Variants in PRKX observed in about 807,000 individuals in gnomAD.
PRKX encodes the protein protein kinase cAMP-dependent X-linked catalytic subunit, also known as cAMP-dependent protein kinase catalytic subunit PRKX.
In PRKX, 12 loss-of-function variants were observed where a neutral mutation model predicts 22.0. The observed-to-expected ratio is 0.54, with a 90% CI of 0.35 to 0.88. PRKX has a LOEUF of 0.88. PRKX is among the 40% of genes least tolerant of loss of function. The pLI, the probability that PRKX is intolerant of heterozygous loss-of-function variation, is 0.01. For synonymous variants in PRKX, 134 were observed against 137.7 expected (o/e 0.97, Z 0.19); for missense variants, 217 against 308.0 (o/e 0.70, Z 2.21).
chrX:3,689,566 G>A (rs1044782160), intron 1 of PRKX, among the ~76,000 whole-genome samples: 3 of 111,779 alleles, frequency 2.7e-5, no homozygotes, highest in African/African-American at 9.8e-5. Flanking sequence ...TGCAGTCCAA[G>A]TTACCTGGGA....
chrX:3,638,444 C>T (rs1905876746), intron 4 of PRKX, among the ~76,000 whole-genome samples: 1 of 111,769 alleles, frequency 8.9e-6, no homozygotes, highest in Non-Finnish European at 1.9e-5. Context: ...CAGGATACAA[C>T]GATCCTCAGG....
intron 5 of PRKX, 31 bp downstream of exon 5, chrX:3,626,388 C>G (rs1213123003): frequency 9.1e-7 from 1 of 1,094,430 alleles, no homozygotes; most frequent in Non-Finnish European, 1.3e-6. Flanking sequence ...AAAATAAACA[C>G]ACCTCATGAT....
intron 8 of PRKX, chrX:3,610,859 C>A (rs1312135190): frequency 1.8e-5 from 2 of 111,497 alleles, no homozygotes; most frequent in African/African-American, 6.5e-5. Flanking sequence ...TGGAGAGACA[C>A]AATTTGTAAG....
intron 4 of PRKX, among the ~76,000 whole-genome samples, chrX:3,637,783 TG>T (rs1365135394): frequency 4.6e-5 from 5 of 108,340 alleles, no homozygotes; most frequent in African/African-American, 1.7e-4. Context: ...TTTTTCTTTT[TG>T]AGATGGAGTC....
At chrX:3,640,716 T>A (rs1927061147) in intron 4 of PRKX, among the ~76,000 whole-genome samples, 1 of 111,093 alleles carries the variant, frequency 9.0e-6, no homozygotes, top group South Asian at 3.8e-4. Flanking sequence ...TGGGCTGCAC[T>A]CCCAGACGGT....
rs772319953 is a variant in PRKX, at chrX:3,653,253, C to T, written c.599+1896G>A. On this transcript the variant is annotated intron_variant, in intron 3 of 8. Coordinates refer to ENST00000262848, the MANE Select transcript of PRKX (RefSeq NM_005044.5). ...CAAAAGGGGCCCCAGAGAGCCCCCTCGCCCCTTCCACCATGTGAGGACACA... is the reference window on the plus strand; with the variant it reads ...CAAAAGGGGCCCCAGAGAGCCCCCTTGCCCCTTCCACCATGTGAGGACACA... Among the ~76,000 whole-genome samples the T allele has an allele frequency of 1.0e-4, 11 of 110,054 alleles. No homozygotes were observed. In the South Asian group the frequency reaches 3.1e-3, roughly 31 times the overall value.
intron 3 of PRKX, among the ~76,000 whole-genome samples, chrX:3,652,453 G>A (rs34004057): frequency 0.26 from 27,781 of 106,368 alleles, 3,015 homozygotes; most frequent in African/African-American, 0.34. Flanking sequence ...GCCTGGTGGC[G>A]GGCACCTGTA....
At chrX:3,625,149 G>A in intron 5 of PRKX, among the ~76,000 whole-genome samples, 1 of 111,371 alleles carries the variant, frequency 9.0e-6, no homozygotes, top group Non-Finnish European at 1.9e-5. Context: ...TCGTTTTCTT[G>A]CTAAAGTCTT....
In PRKX at chrX:3,615,885, G is replaced by A. The variant is rs900159954; in HGVS notation, c.881C>T (p.Ala294Val). ...TRRLGNMKNG[A>V]NDVKHHRWFR... is the part of the protein sequence containing the mutation. ...CCACCGATGATGCTTCACATCATTC[G>A]CCCCGTTCTTCAAAAGAAACAACAC... Residue 294 changes from alanine to valine, a missense_variant, in exon 7 of 9, where the codon GCG becomes GTG. By Grantham distance (64) the Ala-to-Val change is moderately conservative. Coordinates refer to ENST00000262848, the MANE Select transcript of PRKX (RefSeq NM_005044.5). 1.2e-5 allele frequency: 15 copies of A among 1,207,133 alleles called. No individual in the cohort carries two copies. Among genetic ancestry groups the A allele is most frequent in the South Asian group, 8.9e-5 (5 of 56,053 alleles).
chrX:3,693,939 C>CAAAAA (rs1230845031), intron 1 of PRKX, among the ~76,000 whole-genome samples: 69 of 31,738 alleles, frequency 2.2e-3, no homozygotes, highest in South Asian at 3.7e-3. Context: ...GACTCCGTCT[C>CAAAAA]AAAAAAAAAA....
chrX:3,667,128 G>T (rs1481124909), intron 2 of PRKX, among the ~76,000 whole-genome samples: 2 of 111,324 alleles, frequency 1.8e-5, no homozygotes, highest in Non-Finnish European at 3.8e-5. Flanking sequence ...ATCCTCTCCA[G>T]TGACCTCAGC....
rs193294336 is a variant in PRKX, at chrX:3,644,275, A to G, written c.600-2304T>C. Among the ~76,000 whole-genome samples, 333 of 102,494 alleles carry G rather than the reference A, an allele frequency of 3.2e-3. 1 individual carries two copies. The highest frequency in any genetic ancestry group is 5.1e-3 in the Non-Finnish European group (260 of 50,550). 89.0% of individuals were successfully genotyped at this position (102,494 alleles called of 115,157 possible). A position where few individuals can be genotyped will look rare whatever the true frequency, so the allele number is the denominator to read the frequency against. On this transcript the variant is annotated intron_variant, in intron 3 of 8. Coordinates refer to ENST00000262848, the MANE Select transcript of PRKX (RefSeq NM_005044.5). ...AAAAAAGCCAGGTGTGCTGAAGTGC[A>G]CTTGTAGTCTCAGCTAGTCGGGAGG...
At chrX:3,690,424 C>T (rs1283904706) in intron 1 of PRKX, among the ~76,000 whole-genome samples, 1 of 112,697 alleles carries the variant, frequency 8.9e-6, no homozygotes, top group Non-Finnish European at 1.9e-5. Flanking sequence ...TATTAAATTA[C>T]ACTTTCTCAT....
chrX:3,674,150 C>T (rs938481534), intron 2 of PRKX, among the ~76,000 whole-genome samples: 14 of 111,064 alleles, frequency 1.3e-4, no homozygotes, highest in South Asian at 3.9e-4. Flanking sequence ...TGCATCTCAA[C>T]GGGGTATCTC....
chrX:3,632,544 T>C (rs1259365577), intron 4 of PRKX, among the ~76,000 whole-genome samples: 2 of 111,768 alleles, frequency 1.8e-5, no homozygotes, highest in Non-Finnish European at 3.8e-5. Context: ...CCTAAAAACA[T>C]TTATGGAGAA....
chrX:3,640,141 C>T (rs745415832), intron 4 of PRKX, among the ~76,000 whole-genome samples: 162 of 109,490 alleles, frequency 1.5e-3, no homozygotes, highest in African/African-American at 5.1e-3. Flanking sequence ...TCAGAGGATA[C>T]GCTGGTGTCT....
chrX:3,713,011 G>A (rs1197630178), intron 1 of PRKX, 77 bp downstream of exon 1: 13 of 1,063,478 alleles, frequency 1.2e-5, no homozygotes, highest in African/African-American at 2.0e-5. Context: ...TCGGCACCCA[G>A]GGCCCTTTGT....
chrX:3,639,845 C>A lies in PRKX; in HGVS notation c.719+2007G>T, dbSNP rs372154424. Among the ~76,000 whole-genome samples the A allele has an allele frequency of 9.0e-5, 10 of 110,677 alleles. No individual in the cohort carries two copies. The East Asian group carries it at 1.7e-3, about 19-fold the overall frequency. On this transcript the variant is annotated intron_variant, in intron 4 of 8. Coordinates refer to ENST00000262848, the MANE Select transcript of PRKX (RefSeq NM_005044.5). ...AGAGGGCAGAGATAAGCACATGGGA[C>A]GATGACCCCTGTCTGCTCCCCAAAC...
At chrX:3,629,034 A>G (rs1456804349) in intron 4 of PRKX, among the ~76,000 whole-genome samples, 4 of 111,956 alleles carry the variant, frequency 3.6e-5, no homozygotes, top group Non-Finnish European at 7.5e-5. Context: ...AGAGAGATGG[A>G]GTACATAAAT....
Sources: allele counts gnomAD v4.1 joint callset (sites outside exome capture counted in the v4.1 genomes callset), GRCh38; gene constraint gnomAD v4.1.1; transcripts MANE v1.5; gene names NCBI Gene and HGNC (gene_info 2026-07-23, HGNC 2026-07-21).